The following ZFYVE9 variants were observed in gnomAD, a reference collection of about 807,000 sequenced individuals.
The protein encoded by ZFYVE9 is zinc finger FYVE-type containing 9.
A neutral mutation model predicts 126.7 loss-of-function variants in ZFYVE9; 43 were observed. The ratio of observed to expected loss-of-function variants is 0.34; its 90% confidence interval spans 0.27 to 0.44. The LOEUF (loss-of-function observed/expected upper bound fraction) is 0.44. ZFYVE9 is among the 20% of genes least tolerant of loss of function. ZFYVE9 has a pLI of 1.00. For missense variants in ZFYVE9, 1,476 were observed against 1,697.0 expected (o/e 0.87, Z 2.29); for synonymous variants, 521 against 597.4 (o/e 0.87, Z 1.87).
rs562581531 is a variant in ZFYVE9, at chr1:52,196,013, C to T, written c.-142-20356C>T. Among the ~76,000 whole-genome samples the T allele has an allele frequency of 6.6e-5, 10 of 152,102 alleles. No homozygotes were observed. In the South Asian group the frequency reaches 1.2e-3, roughly 19 times the overall value. ...TTCACCATGTTGGCCAGGCTGGTCT[C>T]GAACTCCTGACCTCGTGATCCGCCT... is the stretch of plus-strand genomic sequence containing the variant. On this transcript the variant is annotated intron_variant, in intron 1 of 18. Transcript: ENST00000287727.
intron 2 of ZFYVE9, among the ~76,000 whole-genome samples, chr1:52,217,731 G>A (rs533642868): frequency 1.3e-5 from 2 of 152,256 alleles, no homozygotes; most frequent in East Asian, 3.9e-4. Flanking sequence ...AGAGTTTTTG[G>A]CTAATTGATT....
chr1:52,269,693 A>G (rs978838113), intron 7 of ZFYVE9, among the ~76,000 whole-genome samples: 2 of 152,234 alleles, frequency 1.3e-5, no homozygotes, highest in Admixed American at 1.3e-4. Flanking sequence ...AGAGGGTGAC[A>G]GCCAGAACTG....
chr1:52,154,631 C>G (rs1247988670), intron 1 of ZFYVE9, among the ~76,000 whole-genome samples: 2 of 152,176 alleles, frequency 1.3e-5, no homozygotes, highest in African/African-American at 2.4e-5. Flanking sequence ...CCACCCATAC[C>G]CCTTGCCTTT....
intron 2 of ZFYVE9, among the ~76,000 whole-genome samples, chr1:52,219,087 C>T (rs866362135): frequency 9.9e-5 from 15 of 151,838 alleles, no homozygotes; most frequent in Admixed American, 2.6e-4. Flanking sequence ...AATATCTCCC[C>T]AACTATAACA....
chr1:52,285,067 C>T (rs1645844702), intron 10 of ZFYVE9, among the ~76,000 whole-genome samples: 1 of 151,980 alleles, frequency 6.6e-6, no homozygotes, highest in Non-Finnish European at 1.5e-5. Context: ...GAAAATCAGA[C>T]CTAGAAGTGT....
At chr1:52,319,993 CAG>C (rs980872313) in intron 13 of ZFYVE9, among the ~76,000 whole-genome samples, 16 of 139,224 alleles carry the variant, frequency 1.1e-4, no homozygotes, top group South Asian at 2.4e-4. Flanking sequence ...AGCCTGGTGA[CAG>C]AGAGGGGGAG....
Position 52,281,788 on chromosome 1 carries a change from T to C in ZFYVE9, c.2997T>C (p.Phe999=), listed in dbSNP as rs1479379438. 1.9e-6 allele frequency: 3 copies of C among 1,614,218 alleles called. No individual in the cohort carries two copies. Among genetic ancestry groups the C allele is most frequent in the Admixed American group, 3.3e-5 (2 of 60,032 alleles). ...KCLPKDIFNH[F]VQLYRDALAG... is the part of the protein sequence containing the mutation. ...TGCCAAAGGATATCTTTAATCACTT[T>C]GTGCAGCTTTATCGGGATGCTCTGG... is the stretch of plus-strand genomic sequence containing the variant. Residue 999 remains phenylalanine, a synonymous_variant, in exon 10 of 19, where the codon TTT becomes TTC. Transcript: ENST00000287727.
chr1:52,284,091 T>C (rs1645830900), intron 10 of ZFYVE9, among the ~76,000 whole-genome samples: 1 of 151,750 alleles, frequency 6.6e-6, no homozygotes, highest in African/African-American at 2.4e-5. Flanking sequence ...CCTAAGTGTA[T>C]GTTGGTCTTC....
intron 3 of ZFYVE9, 101 bp from the exon 4 acceptor site, chr1:52,237,387 A>G: frequency 9.4e-7 from 1 of 1,062,674 alleles, no homozygotes. Flanking sequence ...ATATCCTTGG[A>G]ATATTTAATT....
At chr1:52,331,787 T>A (rs1028775203) in intron 13 of ZFYVE9, among the ~76,000 whole-genome samples, 41 of 149,412 alleles carry the variant, frequency 2.7e-4, no homozygotes, top group African/African-American at 3.7e-4. Flanking sequence ...TTTTTTTTTT[T>A]ATTTTTTTTT....
chr1:52,291,350 A>G (rs1196086326), intron 10 of ZFYVE9, among the ~76,000 whole-genome samples: 1 of 152,206 alleles, frequency 6.6e-6, no homozygotes, highest in Non-Finnish European at 1.5e-5. Context: ...TTTCAAGAAA[A>G]GTAAGCATAA....
At chr1:52,263,281 C>T (rs1015410154) in intron 4 of ZFYVE9, among the ~76,000 whole-genome samples, 2 of 151,954 alleles carry the variant, frequency 1.3e-5, no homozygotes, top group African/African-American at 4.8e-5. Context: ...ATATATTGAC[C>T]CTTGGCCTTC....
At chr1:52,290,077 A>G (rs947691052) in intron 10 of ZFYVE9, among the ~76,000 whole-genome samples, 1 of 152,228 alleles carries the variant, frequency 6.6e-6, no homozygotes, top group Non-Finnish European at 1.5e-5. Context: ...TTTTGCTGCT[A>G]TAATGGAATA....
At chr1:52,311,523 C>T (rs1039998375) in intron 13 of ZFYVE9, among the ~76,000 whole-genome samples, 1 of 152,020 alleles carries the variant, frequency 6.6e-6, no homozygotes, top group Non-Finnish European at 1.5e-5. Flanking sequence ...CCTCAGCCTC[C>T]CAAAGTGCTG....
At chr1:52,314,457 G>A (rs1033373195) in intron 13 of ZFYVE9, among the ~76,000 whole-genome samples, 9 of 152,176 alleles carry the variant, frequency 5.9e-5, no homozygotes, top group Non-Finnish European at 1.2e-4. Flanking sequence ...CAAGATGGGC[G>A]GATCACTTGA....
At chr1:52,259,065 T>C (rs1398784107) in intron 4 of ZFYVE9, among the ~76,000 whole-genome samples, 1 of 152,170 alleles carries the variant, frequency 6.6e-6, no homozygotes, top group Non-Finnish European at 1.5e-5. Flanking sequence ...CTCACAGTTA[T>C]TAGAAGTCTG....
Position 52,252,792 on chromosome 1 carries a change from C to T in ZFYVE9, c.2179-10981C>T, listed in dbSNP as rs572588420. On this transcript the variant is annotated intron_variant, in intron 4 of 18. Coordinates refer to ENST00000287727, the MANE Select transcript of ZFYVE9 (RefSeq NM_004799.4). Reference sequence around the variant, plus strand: ...TGGCCATGGCTGGGCTCCCCTACTGCACCAGGAGCATGGCTCATCCCAGCC... The same window carrying T: ...TGGCCATGGCTGGGCTCCCCTACTGTACCAGGAGCATGGCTCATCCCAGCC... The T allele has an allele frequency of 2.4e-3, 947 of 397,242 alleles. 2 individuals are homozygous for T. The highest frequency in any genetic ancestry group is 4.0e-3 in the Non-Finnish European group (761 of 191,562). The allele number at this position is 397,242 out of a possible 1,614,324, so 24.6% of individuals were successfully genotyped here.
intron 1 of ZFYVE9, among the ~76,000 whole-genome samples, chr1:52,210,293 A>G (rs767796446): frequency 6.6e-5 from 10 of 152,156 alleles, no homozygotes; most frequent in African/African-American, 1.2e-4. Context: ...CTGGAACCCT[A>G]CTTAGTAGCA....
intron 12 of ZFYVE9, among the ~76,000 whole-genome samples, chr1:52,302,054 T>G (rs1646040832): frequency 6.6e-6 from 1 of 152,202 alleles, no homozygotes; most frequent in Non-Finnish European, 1.5e-5. Flanking sequence ...CTTAACATTT[T>G]GTACATGTAG....
Sources: gnomAD v4.1 joint callset for allele counts (sites outside exome capture counted in the v4.1 genomes callset) on GRCh38, gnomAD v4.1.1 for gene constraint, MANE v1.5 for transcripts, NCBI Gene and HGNC (gene_info 2026-07-23, HGNC 2026-07-21) for gene names.